NRG1: variants seen among roughly 807,000 people sequenced by gnomAD.
NRG1 encodes neuregulin 1.
A neutral mutation model predicts 63.8 loss-of-function variants in NRG1; 18 were observed. That is an observed-to-expected ratio of 0.28 (90% CI 0.19 to 0.42). The LOEUF is 0.42. Among genes scored for constraint, NRG1 ranks in the 10% least tolerant of loss-of-function variants. The pLI, the probability that NRG1 is intolerant of heterozygous loss-of-function variation, is 1.00. For synonymous variants in NRG1, 302 were observed against 301.3 expected (o/e 1.00, Z -0.02); for missense variants, 762 against 814.7 (o/e 0.94, Z 0.79).
Position 32,077,272 on chromosome 8 carries a change from C to A in NRG1, c.37+437841C>A, listed in dbSNP as rs532874379. Among the ~76,000 whole-genome samples, 18 of 152,222 alleles carry A rather than the reference C, an allele frequency of 1.2e-4. No individual in the cohort carries two copies. The South Asian group carries it at 3.7e-3, about 32-fold the overall frequency. ...ATCCCAGCTACTTGGGATACTGAGG[C>A]AGGAGAATCGCTGGAACCCGGGAGG... is the stretch of plus-strand genomic sequence containing the variant. On this transcript the variant is annotated intron_variant, in intron 1 of 10. Transcript: ENST00000519301.
At chr8:31,775,701 G>A (rs1237989409) in intron 1 of NRG1, among the ~76,000 whole-genome samples, 2 of 151,914 alleles carry the variant, frequency 1.3e-5, no homozygotes, top group Non-Finnish European at 2.9e-5. Flanking sequence ...GGCTAACATG[G>A]TGAAACCCCG....
chr8:32,667,790 T>G (rs1286344429), intron 5 of NRG1, among the ~76,000 whole-genome samples: 1 of 152,204 alleles, frequency 6.6e-6, no homozygotes, highest in East Asian at 1.9e-4. Context: ...ACCCAAACTA[T>G]TTCAAACCAG....
intron 1 of NRG1, among the ~76,000 whole-genome samples, chr8:32,244,442 G>T (rs916207548): frequency 1.3e-5 from 2 of 152,078 alleles, no homozygotes; most frequent in African/African-American, 4.8e-5. Context: ...GAAGTAGAAT[G>T]GTATTGTCAA....
intron 1 of NRG1, among the ~76,000 whole-genome samples, chr8:32,064,220 G>A (rs138664959): frequency 7.9e-5 from 12 of 152,228 alleles, no homozygotes; most frequent in Non-Finnish European, 1.3e-4. Flanking sequence ...AAGCTAGATA[G>A]CCAAACAAAA....
At chr8:32,280,589 T>C (rs1279281991) in intron 1 of NRG1, among the ~76,000 whole-genome samples, 1 of 151,674 alleles carries the variant, frequency 6.6e-6, no homozygotes, top group Non-Finnish European at 1.5e-5. Flanking sequence ...TAGTTATTGC[T>C]GAATGTGTTT....
rs140741348 is a variant in NRG1, at chr8:32,579,396, C to T, written c.101-16432C>T. 7.0e-3 allele frequency among the ~76,000 whole-genome samples: 1,064 copies of T among 152,172 alleles called. 7 individuals carry two copies. Among genetic ancestry groups the T allele is most frequent in the African/African-American group, 0.024 (992 of 41,510 alleles). On this transcript the variant is annotated intron_variant, in intron 1 of 11. Coordinates refer to ENST00000356819, the Ensembl canonical transcript of NRG1. ...AGGTGATCTGACTTTTCATTTTACACGCAAGAAACTGAGGCTGGAGAGAAA... is the reference window on the plus strand; with the variant it reads ...AGGTGATCTGACTTTTCATTTTACATGCAAGAAACTGAGGCTGGAGAGAAA...
intron 1 of NRG1, among the ~76,000 whole-genome samples, chr8:32,504,173 A>G (rs1482513441): frequency 1.3e-5 from 2 of 151,896 alleles, no homozygotes; most frequent in South Asian, 2.1e-4. Context: ...GGCTCTTCCT[A>G]TCTGTTGGGA....
At chr8:32,591,606 G>A (rs1367188608) in intron 1 of NRG1, among the ~76,000 whole-genome samples, 1 of 152,122 alleles carries the variant, frequency 6.6e-6, no homozygotes, top group African/African-American at 2.4e-5. Flanking sequence ...GATGAACCAT[G>A]AGCATTTCAG....
intron 5 of NRG1, among the ~76,000 whole-genome samples, chr8:32,640,963 A>G (rs1406510279): frequency 6.6e-6 from 1 of 151,590 alleles, no homozygotes; most frequent in Admixed American, 6.6e-5. Flanking sequence ...CTGCCTCTAC[A>G]AAATAATAAT....
At chr8:32,731,287 T>A (rs1472482891) in intron 6 of NRG1, among the ~76,000 whole-genome samples, 1 of 152,224 alleles carries the variant, frequency 6.6e-6, no homozygotes, top group African/African-American at 2.4e-5. Flanking sequence ...ACGTGCTATA[T>A]TTTAAAAATC....
intron 5 of NRG1, among the ~76,000 whole-genome samples, chr8:32,695,554 C>T (rs978382248): frequency 2.0e-5 from 3 of 152,056 alleles, no homozygotes; most frequent in Non-Finnish European, 2.9e-5. Context: ...ACAGAGCAAT[C>T]GAGGAAGAAT....
At chr8:31,823,761 G>A (rs1271283406) in intron 1 of NRG1, among the ~76,000 whole-genome samples, 1 of 152,116 alleles carries the variant, frequency 6.6e-6, no homozygotes, top group East Asian at 1.9e-4. Flanking sequence ...TTTGATTATT[G>A]CAATCTGGGC....
At chr8:31,670,419 T>C (rs1807008571) in intron 1 of NRG1, among the ~76,000 whole-genome samples, 1 of 152,206 alleles carries the variant, frequency 6.6e-6, no homozygotes, top group Non-Finnish European at 1.5e-5. Flanking sequence ...CATTAATAAA[T>C]CTTGTATTGC....
At chr8:31,708,604 C>T (rs939400040) in intron 1 of NRG1, among the ~76,000 whole-genome samples, 6 of 151,366 alleles carry the variant, frequency 4.0e-5, no homozygotes, top group Non-Finnish European at 7.4e-5. Flanking sequence ...CGCCACTACG[C>T]CCGGCTAATT....
chr8:32,169,888 A>G (rs529998480), intron 1 of NRG1, among the ~76,000 whole-genome samples: 1 of 152,258 alleles, frequency 6.6e-6, no homozygotes, highest in South Asian at 2.1e-4. Context: ...GAGTCTTTGG[A>G]GGGGAATTAG....
At chr8:31,751,422 C>G (rs937407085) in intron 1 of NRG1, among the ~76,000 whole-genome samples, 2 of 151,842 alleles carry the variant, frequency 1.3e-5, no homozygotes, top group African/African-American at 4.8e-5. Context: ...TGCAAAGAAT[C>G]TTCAGTGGGA....
chr8:32,087,798 AAC>A (rs1828500649), intron 1 of NRG1, among the ~76,000 whole-genome samples: 1 of 152,142 alleles, frequency 6.6e-6, no homozygotes, highest in Non-Finnish European at 1.5e-5. Context: ...CAAATGGCCT[AAC>A]ACACTTATGT....
intron 1 of NRG1, among the ~76,000 whole-genome samples, chr8:32,436,993 A>G (rs1369130840): frequency 1.3e-5 from 2 of 152,012 alleles, no homozygotes; most frequent in African/African-American, 4.8e-5. Flanking sequence ...TTTCCTGGCC[A>G]GGCAGGTCAC....
At chr8:32,326,478 C>T (rs879662345) in intron 1 of NRG1, among the ~76,000 whole-genome samples, 5 of 151,866 alleles carry the variant, frequency 3.3e-5, no homozygotes, top group Non-Finnish European at 7.4e-5. Context: ...TTTAAATTCA[C>T]CACACTCAGC....
Sources: gnomAD v4.1 joint callset for allele counts (sites outside exome capture counted in the v4.1 genomes callset) on GRCh38, gnomAD v4.1.1 for gene constraint, MANE v1.5 for transcripts, NCBI Gene and HGNC (gene_info 2026-07-23, HGNC 2026-07-21) for gene names.